The following PDE12 variants were observed in gnomAD, a reference collection of about 807,000 sequenced individuals.
The protein encoded by PDE12 is 2',5'-phosphodiesterase 12.
A neutral mutation model predicts 45.4 loss-of-function variants in PDE12; 26 were observed. The observed-to-expected ratio is 0.57, with a 90% CI of 0.42 to 0.79. PDE12 has a LOEUF of 0.79. Among genes scored for constraint, PDE12 ranks in the 30% least tolerant of loss-of-function variants. PDE12 has a pLI of 0.00. For synonymous variants in PDE12, 283 were observed against 323.9 expected, an observed-to-expected ratio of 0.87 and a Z score of 1.36; for missense variants, 668 against 790.0, an observed-to-expected ratio of 0.85 and a Z score of 1.85.
In PDE12 at chr3:57,565,042, A is replaced by G. The variant is rs1253303108; in HGVS notation, c.*5038A>G. On this transcript the variant is annotated 3_prime_UTR_variant, in exon 3 of 3. Coordinates refer to ENST00000311180, the MANE Select transcript of PDE12 (RefSeq NM_177966.7). ...GTTGCTGTTGCCCAGGCTGGAGCGC[A>G]GTGGCATGATCATAGCTCACTGCAG... 2.0e-5 allele frequency: 3 copies of G among 151,360 alleles called. No homozygotes were observed. Among genetic ancestry groups the G allele is most frequent in the African/African-American group, 7.3e-5 (3 of 41,028 alleles). The allele number at this position is 151,360 out of a possible 1,614,324, so 9.4% of individuals were successfully genotyped here.
At chr3:57,629,030 G>A in the PDE12 span, 1 of 564,510 alleles carries the variant, frequency 1.8e-6, no homozygotes. Flanking sequence ...TATAGTGCAA[G>A]AATAATTCTC....
the PDE12 span, chr3:57,625,711 C>T: frequency 6.6e-6 from 1 of 151,928 alleles, no homozygotes; most frequent in African/African-American, 2.4e-5. Flanking sequence ...GTTCCCAGTG[C>T]AAATTTACAT....
downstream of PDE12, among the ~76,000 whole-genome samples, chr3:57,567,861 A>C (rs1002707507): frequency 6.6e-6 from 1 of 151,886 alleles, no homozygotes; most frequent in African/African-American, 2.4e-5. Flanking sequence ...GAGGTCAGGA[A>C]TTCAAGACTA....
the PDE12 span, among the ~76,000 whole-genome samples, chr3:57,580,513 C>T: frequency 6.6e-6 from 1 of 152,194 alleles, no homozygotes; most frequent in Non-Finnish European, 1.5e-5. Context: ...GTGATCCTCC[C>T]ACCTCAGCCT....
chr3:57,556,308 G>A lies in PDE12; in HGVS notation c.-72G>A. On this transcript the variant is annotated 5_prime_UTR_variant, in exon 1 of 3. Coordinates refer to ENST00000311180, the MANE Select transcript of PDE12 (RefSeq NM_177966.7). The surrounding 1 kb of genome is among the most constrained non-coding windows in gnomAD (Gnocchi z 5.0). ...GAATGAGTCAAAGCCGGCGGCCTCG[G>A]CTCCTCAGCTCCACCTGACAGTAGG... 1 of 1,438,878 alleles carries A rather than the reference G, an allele frequency of 6.9e-7. No individual in the cohort carries two copies. The highest frequency in any genetic ancestry group is 1.4e-5 in the South Asian group (1 of 72,368). The allele number at this position is 1,438,878 out of a possible 1,614,324, so 89.1% of individuals were successfully genotyped here.
At chr3:57,621,512 A>G in the PDE12 span, among the ~76,000 whole-genome samples, 2 of 152,054 alleles carry the variant, frequency 1.3e-5, no homozygotes, top group African/African-American at 2.4e-5. Context: ...TCTTCTAAAA[A>G]TACAAAAATT....
chr3:57,577,777 C>G, the PDE12 span, among the ~76,000 whole-genome samples: 1 of 152,098 alleles, frequency 6.6e-6, no homozygotes, highest in African/African-American at 2.4e-5. Context: ...GGCATGGTGG[C>G]TCATCCTGTA....
the PDE12 span, among the ~76,000 whole-genome samples, chr3:57,590,530 G>GA: frequency 6.6e-6 from 1 of 152,122 alleles, no homozygotes; most frequent in Non-Finnish European, 1.5e-5. Context: ...CTTTGAGGGA[G>GA]AAAAAAATAT....
downstream of PDE12, among the ~76,000 whole-genome samples, chr3:57,569,286 T>TA (rs930647596): frequency 1.3e-5 from 2 of 151,338 alleles, no homozygotes; most frequent in Admixed American, 6.6e-5. Flanking sequence ...AAAGGAACTT[T>TA]AAAAAAAAAT....
At chr3:57,655,398 T>C in the PDE12 span, among the ~76,000 whole-genome samples, 1 of 152,214 alleles carries the variant, frequency 6.6e-6, no homozygotes, top group Admixed American at 6.5e-5. Flanking sequence ...ATGTAATTCA[T>C]ATCCAGGAGA....
chr3:57,594,440 A>G, the PDE12 span, among the ~76,000 whole-genome samples: 1 of 152,170 alleles, frequency 6.6e-6, no homozygotes, highest in African/African-American at 2.4e-5. Context: ...TCACTTGCAT[A>G]ACTTACCCTT....
At chr3:57,614,865 C>T in the PDE12 span, among the ~76,000 whole-genome samples, 4 of 151,360 alleles carry the variant, frequency 2.6e-5, no homozygotes, top group South Asian at 4.2e-4. Flanking sequence ...TGGTGGCAGG[C>T]GCTTGTAATA....
At chr3:57,615,822 AAAATCAATAAATACAAT>A in the PDE12 span, among the ~76,000 whole-genome samples, 2 of 152,264 alleles carry the variant, frequency 1.3e-5, no homozygotes, top group East Asian at 3.9e-4. Context: ...AAAAATACAG[AAAATCAATAAATACAAT>A]AAATATAACC....
the PDE12 span, among the ~76,000 whole-genome samples, chr3:57,616,240 C>T: frequency 1.3e-5 from 2 of 152,088 alleles, no homozygotes; most frequent in Non-Finnish European, 2.9e-5. Context: ...GGCAGAATCA[C>T]TTGAGCCCAG....
chr3:57,560,422 T>C lies in PDE12; in HGVS notation c.*418T>C. The C allele has an allele frequency of 1.8e-6, 1 of 542,270 alleles. No individual in the cohort carries two copies. Among genetic ancestry groups the C allele is most frequent in the Non-Finnish European group, 2.4e-6 (1 of 422,144 alleles). The allele number at this position is 542,270 out of a possible 1,614,324, so 33.6% of individuals were successfully genotyped here. ...CTCACTGCAACCTCCGCCCCCTGGG[T>C]TTAAGCGATTCTCCTGCCTCAGCTT... On this transcript the variant is annotated 3_prime_UTR_variant, in exon 3 of 3. Coordinates refer to ENST00000311180, the MANE Select transcript of PDE12 (RefSeq NM_177966.7).
chr3:57,604,902 C>T, the PDE12 span, among the ~76,000 whole-genome samples: 7 of 152,046 alleles, frequency 4.6e-5, no homozygotes, highest in Non-Finnish European at 7.4e-5. Flanking sequence ...TGTGAGCCAC[C>T]ATGCCAGCCA....
chr3:57,644,674 C>T, the PDE12 span, among the ~76,000 whole-genome samples: 1 of 110,022 alleles, frequency 9.1e-6, no homozygotes, highest in African/African-American at 3.4e-5. Context: ...GCAGACCAGC[C>T]TGGGCAACAG....
At chr3:57,642,313 CAA>C in the PDE12 span, among the ~76,000 whole-genome samples, 25 of 67,512 alleles carry the variant, frequency 3.7e-4, no homozygotes, top group East Asian at 1.0e-3. Context: ...GACTCTGTCT[CAA>C]AAAAAAAAAA....
At chr3:57,648,764 G>A in the PDE12 span, among the ~76,000 whole-genome samples, 3 of 152,056 alleles carry the variant, frequency 2.0e-5, no homozygotes, top group Non-Finnish European at 4.4e-5. Flanking sequence ...CATAAAGTGG[G>A]GAAAAGACAC....
Sources: gnomAD v4.1 joint callset for allele counts (sites outside exome capture counted in the v4.1 genomes callset) on GRCh38, gnomAD v4.1.1 for gene constraint, Gnocchi (gnomAD v3.1) non-coding constraint, MANE v1.5 for transcripts, NCBI Gene and HGNC (gene_info 2026-07-23, HGNC 2026-07-21) for gene names.